INPP5F: variants seen among roughly 807,000 people sequenced by gnomAD.
INPP5F encodes phosphatidylinositide 4-phosphatase SAC2.
Under a neutral mutation model 137.2 loss-of-function variants are expected in INPP5F, and 97 were observed. That is an observed-to-expected ratio of 0.71 (90% CI 0.60 to 0.84). INPP5F has a LOEUF of 0.84. INPP5F is among the 40% of genes least tolerant of loss of function. The probability of loss-of-function intolerance (pLI) is 0.00; values close to 1 mark genes in which losing one functional copy is unlikely to be tolerated. For synonymous variants in INPP5F, 504 were observed against 476.9 expected, an observed-to-expected ratio of 1.06 and a Z score of -0.74; for missense variants, 1,271 against 1,371.9, an observed-to-expected ratio of 0.93 and a Z score of 1.16.
intron 2 of INPP5F, among the ~76,000 whole-genome samples, chr10:119,769,169 T>C (rs1259241153): frequency 1.3e-5 from 2 of 152,174 alleles, no homozygotes; most frequent in African/African-American, 2.4e-5. Context: ...TGGACATGCA[T>C]TGGTGGATTA....
At chr10:119,732,542 C>T (rs1664025619) in intron 1 of INPP5F, among the ~76,000 whole-genome samples, 1 of 119,576 alleles carries the variant, frequency 8.4e-6, no homozygotes, top group Non-Finnish European at 1.7e-5. Flanking sequence ...TTCTGTTGCC[C>T]AGGCTGGAGT....
At chr10:119,739,536 A>C (rs893433623) in intron 1 of INPP5F, among the ~76,000 whole-genome samples, 32 of 152,212 alleles carry the variant, frequency 2.1e-4, no homozygotes, top group African/African-American at 7.7e-4. Flanking sequence ...AGTGCCTGTT[A>C]TGCTGGACTG....
intron 2 of INPP5F, among the ~76,000 whole-genome samples, chr10:119,753,723 T>A (rs1189722978): frequency 1.3e-5 from 2 of 152,320 alleles, no homozygotes; most frequent in East Asian, 3.9e-4. Context: ...TCTCTTCATT[T>A]CCATAGGGTA....
At chr10:119,761,713 C>T (rs188641798) in intron 2 of INPP5F, among the ~76,000 whole-genome samples, 16 of 151,856 alleles carry the variant, frequency 1.1e-4, no homozygotes, top group African/African-American at 2.4e-4. Flanking sequence ...TATAGACTCA[C>T]GTTCTGTTCA....
intron 2 of INPP5F, among the ~76,000 whole-genome samples, chr10:119,758,483 T>A (rs544343392): frequency 1.2e-4 from 19 of 152,312 alleles, no homozygotes; most frequent in African/African-American, 3.6e-4. Flanking sequence ...CACACAGACA[T>A]CCAGGAAAAG....
chr10:119,824,649 G>A (rs1008002576), intron 19 of INPP5F, among the ~76,000 whole-genome samples: 3 of 152,080 alleles, frequency 2.0e-5, no homozygotes, highest in African/African-American at 7.2e-5. Flanking sequence ...AATATTTAGG[G>A]GAAATTACTT....
intron 1 of INPP5F, among the ~76,000 whole-genome samples, chr10:119,749,968 C>T (rs1330786220): frequency 1.3e-5 from 2 of 152,066 alleles, no homozygotes; most frequent in Non-Finnish European, 2.9e-5. Flanking sequence ...TGAGGTTTCA[C>T]CATGTGGGCC....
chr10:119,796,675 G>T, intron 6 of INPP5F, 40 bp from the exon 7 acceptor site: 1 of 1,477,978 alleles, frequency 6.8e-7, no homozygotes, highest in African/African-American at 1.4e-5. Context: ...TAGCAGTGCT[G>T]TACAGAATAG....
chr10:119,789,232 A>G (rs1168150707), intron 3 of INPP5F, among the ~76,000 whole-genome samples: 2 of 152,092 alleles, frequency 1.3e-5, no homozygotes, highest in African/African-American at 2.4e-5. Flanking sequence ...TCTCAAAAAA[A>G]AAAAAAAAGA....
chr10:119,731,633 C>T (rs1848070909), intron 1 of INPP5F, among the ~76,000 whole-genome samples: 1 of 152,162 alleles, frequency 6.6e-6, no homozygotes, highest in Non-Finnish European at 1.5e-5. Flanking sequence ...CACTGTACTC[C>T]AGCCTGGGCA....
intron 2 of INPP5F, among the ~76,000 whole-genome samples, chr10:119,777,653 C>T (rs1849571718): frequency 6.6e-6 from 1 of 152,092 alleles, no homozygotes; most frequent in South Asian, 2.1e-4. Flanking sequence ...CTGTTATGTG[C>T]TTTTTAAGAA....
At position 119,813,958 on chromosome 10, in the gene INPP5F, C is replaced by CT. The variant is rs373389374; in HGVS notation, c.1886+2012dup. Among the ~76,000 whole-genome samples, 216 of 151,690 alleles carry CT rather than the reference C, an allele frequency of 1.4e-3. 1 individual carries two copies. Among genetic ancestry groups the CT allele is most frequent in the African/African-American group, 4.5e-3 (187 of 41,366 alleles). ...TTCATTAACATGATGAAATGCTTCT[C>CT]TTTTTTTTTCCTGATTTTTGACTCC... On this transcript the variant is annotated intron_variant, in intron 15 of 19. Coordinates refer to ENST00000650623, the MANE Select transcript of INPP5F (RefSeq NM_014937.4).
chr10:119,820,871 G>A lies in INPP5F; in HGVS notation c.1912G>A (p.Val638Met), dbSNP rs763587448. Residue 638 changes from valine to methionine, a missense_variant, in exon 16 of 20, where the codon GTG (valine) becomes ATG (methionine). Transcript: ENST00000650623. ...CCTCATTGATGCTACTCACAGAGAC[G>A]TGGATGTGCTGTTACTGCTTTCTAA... ...PSLIDATHRD[V>M]DVLLLLSNSA... is the part of the protein sequence containing the mutation. 6 of 1,611,648 alleles carry A rather than the reference G, an allele frequency of 3.7e-6. No homozygotes were observed. The highest frequency in any genetic ancestry group is 1.7e-4 in the Middle Eastern group (1 of 6,060).
At chr10:119,767,113 A>AAAAAAAC (rs1849191557) in intron 2 of INPP5F, among the ~76,000 whole-genome samples, 2 of 148,330 alleles carry the variant, frequency 1.3e-5, no homozygotes, top group South Asian at 4.2e-4. Flanking sequence ...TCCAGAAAAA[A>AAAAAAAC]AAAAAAAAAA....
chr10:119,736,858 G>A (rs1165371028), intron 1 of INPP5F, among the ~76,000 whole-genome samples: 1 of 152,092 alleles, frequency 6.6e-6, no homozygotes, highest in African/African-American at 2.4e-5. Flanking sequence ...TTAGAGACAG[G>A]GTCTTGCTCT....
Position 119,826,496 on chromosome 10 carries a change from T to C in INPP5F, c.2250-135T>C, listed in dbSNP as rs1254483980. 2.2e-5 allele frequency: 15 copies of C among 686,648 alleles called. No individual in the cohort carries two copies. In the East Asian group the frequency reaches 3.3e-4, roughly 15 times the overall value. 42.5% of individuals were successfully genotyped at this position (686,648 alleles called of 1,614,324 possible). On this transcript the variant is annotated intron_variant, in intron 19 of 19. Transcript: ENST00000650623. Reference sequence around the variant, plus strand: ...CTGTTTTAATGTCAACTCTGAGGGTTATCTGTCAGTTAGCAATGCACTGTT... The same window carrying C: ...CTGTTTTAATGTCAACTCTGAGGGTCATCTGTCAGTTAGCAATGCACTGTT...
chr10:119,740,821 G>A (rs1007433585), intron 1 of INPP5F, among the ~76,000 whole-genome samples: 9 of 152,104 alleles, frequency 5.9e-5, no homozygotes, highest in South Asian at 2.1e-4. Flanking sequence ...GATTACAGGC[G>A]CGAGCCACTG....
intron 11 of INPP5F, among the ~76,000 whole-genome samples, chr10:119,805,754 T>C (rs556576321): frequency 6.6e-6 from 1 of 152,198 alleles, no homozygotes; most frequent in Non-Finnish European, 1.5e-5. Context: ...CTCTTTCTCC[T>C]CTTTCTCACT....
intron 2 of INPP5F, among the ~76,000 whole-genome samples, chr10:119,779,368 C>T (rs1389475027): frequency 1.3e-5 from 2 of 151,962 alleles, no homozygotes; most frequent in African/African-American, 4.8e-5. Context: ...TACATGTAGG[C>T]GACACTGACT....
Sources: allele counts gnomAD v4.1 joint callset (sites outside exome capture counted in the v4.1 genomes callset), GRCh38; gene constraint gnomAD v4.1.1; transcripts MANE v1.5; gene names NCBI Gene and HGNC (gene_info 2026-07-23, HGNC 2026-07-21).